Variants in STXBP5L observed in about 807,000 individuals in gnomAD.
STXBP5L encodes syntaxin-binding protein 5-like.
Under a neutral mutation model 144.5 loss-of-function variants are expected in STXBP5L, and 65 were observed. That is an observed-to-expected ratio of 0.45 (90% CI 0.37 to 0.55). STXBP5L has a LOEUF of 0.55. Ranked by LOEUF, STXBP5L falls within the 20% of genes least tolerant of loss-of-function variation. The pLI is 0.00. For missense variants in STXBP5L, 1,298 were observed against 1,405.5 expected, an observed-to-expected ratio of 0.92 and a Z score of 1.22; for synonymous variants, 505 against 469.6, an observed-to-expected ratio of 1.08 and a Z score of -0.97.
chr3:121,205,984 C>CAAAAA lies in STXBP5L; in HGVS notation c.941_942insAAAAA (p.Thr315LysfsTer11). The CAAAAA allele has an allele frequency of 6.6e-7, 1 of 1,507,668 alleles. No homozygotes were observed. The highest frequency in any genetic ancestry group is 8.8e-7 in the Non-Finnish European group (1 of 1,133,306). 93.4% of individuals were successfully genotyped at this position (1,507,668 alleles called of 1,614,324 possible). ...GTAAACCAATTCTTAAAGTAGAATACAAGACCTGCAAAAACAGGTATGCAT... is the reference window on the plus strand; with the variant it reads ...GTAAACCAATTCTTAAAGTAGAATACAAAAAAAGACCTGCAAAAACAGGTATGCAT... On this transcript the variant is annotated frameshift_variant, in exon 10 of 27. Coordinates refer to ENST00000471454, the MANE Select transcript of STXBP5L (RefSeq NM_001308330.2). LOFTEE classifies it high-confidence loss of function.
rs567402682 is a variant in STXBP5L, at chr3:121,416,601, G to A, written c.3226+633G>A. Among the ~76,000 whole-genome samples, 4 of 151,238 alleles carry A rather than the reference G, an allele frequency of 2.6e-5. No individual in the cohort carries two copies. The South Asian group carries it at 8.4e-4, about 32-fold the overall frequency. ...AGGCTCACTGAAACCTCTGCCTCCC[G>A]GGTTCAAGCGATTCTCCTGCCTCAG... On this transcript the variant is annotated intron_variant, in intron 25 of 26. Coordinates refer to ENST00000471454, the MANE Select transcript of STXBP5L (RefSeq NM_001308330.2).
At chr3:121,056,031 C>T (rs191079685) in intron 5 of STXBP5L, among the ~76,000 whole-genome samples, 4 of 152,180 alleles carry the variant, frequency 2.6e-5, no homozygotes, top group Non-Finnish European at 2.9e-5. Flanking sequence ...ACTTGAACTA[C>T]TGGGCTCAAG....
chr3:120,958,146 T>G (rs777945081), intron 3 of STXBP5L, among the ~76,000 whole-genome samples: 1 of 152,142 alleles, frequency 6.6e-6, no homozygotes, highest in Non-Finnish European at 1.5e-5. Flanking sequence ...GCAAATAAAC[T>G]AGAAAATCTA....
At chr3:120,959,818 G>A (rs963464242) in intron 3 of STXBP5L, among the ~76,000 whole-genome samples, 2 of 152,078 alleles carry the variant, frequency 1.3e-5, no homozygotes, top group African/African-American at 4.8e-5. Context: ...GAAAACCTAG[G>A]CAATACCATT....
intron 3 of STXBP5L, among the ~76,000 whole-genome samples, chr3:121,033,428 G>C (rs1227967767): frequency 9.0e-6 from 1 of 111,596 alleles, no homozygotes; most frequent in Non-Finnish European, 1.8e-5. Flanking sequence ...TGGTGGGGTC[G>C]GGGGAGGGGG....
rs895939371 is a variant in STXBP5L at position 121,115,165 on chromosome 3, A to G, written c.605+106A>G. On this transcript the variant is annotated intron_variant, in intron 6 of 26. Coordinates refer to ENST00000471454, the MANE Select transcript of STXBP5L (RefSeq NM_001308330.2). The stretch of plus-strand genomic sequence containing the variant: ...TTGATACGTCTATTACTAATTTATA[A>G]TGAATTTGAGTGAAAAGTTCAGTAA... 4.6e-5 allele frequency: 52 copies of G among 1,142,386 alleles called. No individual in the cohort carries two copies. The African/African-American group carries it at 7.8e-4, about 17-fold the overall frequency. The allele number at this position is 1,142,386 out of a possible 1,614,324, so 70.8% of individuals were successfully genotyped here. A position where few individuals can be genotyped will look rare whatever the true frequency, so the allele number is the denominator to read the frequency against.
At chr3:121,412,727 CA>C (rs35247157) in intron 23 of STXBP5L, among the ~76,000 whole-genome samples, 6,607 of 69,634 alleles carry the variant, frequency 0.095, 70 homozygotes, top group Non-Finnish European at 0.11. Context: ...TTTCTCCCTC[CA>C]AAAAAAAAAA....
At chr3:120,960,106 C>G (rs1391535925) in intron 3 of STXBP5L, among the ~76,000 whole-genome samples, 1 of 152,150 alleles carries the variant, frequency 6.6e-6, no homozygotes, top group African/African-American at 2.4e-5. Context: ...ATGATATGAA[C>G]AGACACTTCT....
At chr3:121,056,775 A>T (rs1265960297) in intron 5 of STXBP5L, among the ~76,000 whole-genome samples, 1 of 152,042 alleles carries the variant, frequency 6.6e-6, no homozygotes, top group Non-Finnish European at 1.5e-5. Flanking sequence ...GACGTTCATT[A>T]CATACATATA....
At chr3:121,405,375 T>C (rs1328348284) in intron 22 of STXBP5L, among the ~76,000 whole-genome samples, 1 of 152,138 alleles carries the variant, frequency 6.6e-6, no homozygotes, top group Non-Finnish European at 1.5e-5. Flanking sequence ...AGACATATTA[T>C]CTATCTCTAC....
At chr3:121,302,950 C>T (rs911144941) in intron 19 of STXBP5L, among the ~76,000 whole-genome samples, 5 of 152,122 alleles carry the variant, frequency 3.3e-5, no homozygotes, top group African/African-American at 1.2e-4. Context: ...CTAGGCAATA[C>T]CATTCAGGAT....
chr3:121,027,869 C>G (rs1946066615), intron 3 of STXBP5L, among the ~76,000 whole-genome samples: 1 of 152,060 alleles, frequency 6.6e-6, no homozygotes, highest in Admixed American at 6.6e-5. Context: ...GATAGTCACC[C>G]TATATTTTAT....
intron 11 of STXBP5L, among the ~76,000 whole-genome samples, chr3:121,231,047 C>G (rs1359581769): frequency 6.6e-6 from 1 of 152,188 alleles, no homozygotes; most frequent in African/African-American, 2.4e-5. Context: ...AAACTGGTAT[C>G]TGGTGGGCTG....
intron 19 of STXBP5L, among the ~76,000 whole-genome samples, chr3:121,316,902 C>G (rs1048075252): frequency 6.6e-6 from 1 of 152,168 alleles, no homozygotes; most frequent in Admixed American, 6.5e-5. Flanking sequence ...GCAGCCTCCT[C>G]CTCTTTATAA....
At chr3:121,247,682 A>G (rs933924134) in intron 14 of STXBP5L, among the ~76,000 whole-genome samples, 3 of 152,190 alleles carry the variant, frequency 2.0e-5, no homozygotes, top group Admixed American at 2.0e-4. Context: ...GTAATATTCC[A>G]TGGTATATAT....
At chr3:121,397,602 G>C (rs952525799) in intron 22 of STXBP5L, among the ~76,000 whole-genome samples, 1 of 151,910 alleles carries the variant, frequency 6.6e-6, no homozygotes, top group South Asian at 2.1e-4. Flanking sequence ...CACTTGAAGC[G>C]GTACTTTCAA....
intron 3 of STXBP5L, among the ~76,000 whole-genome samples, chr3:121,001,214 G>A (rs1218741613): frequency 2.0e-5 from 3 of 152,180 alleles, no homozygotes; most frequent in South Asian, 4.1e-4. Context: ...TGCTGGCAAG[G>A]CCCATGTGAA....
At chr3:121,406,601 A>G (rs2046998402) in intron 22 of STXBP5L, among the ~76,000 whole-genome samples, 1 of 152,072 alleles carries the variant, frequency 6.6e-6, no homozygotes, top group African/African-American at 2.4e-5. Context: ...AATCCAGGTG[A>G]GTAAAACCCC....
intron 2 of STXBP5L, chr3:120,925,083 G>A (rs1576426577): frequency 6.6e-6 from 1 of 152,270 alleles, no homozygotes; most frequent in East Asian, 1.9e-4. Context: ...GGAGAAATAA[G>A]AGGGTATATG....
Sources: gnomAD v4.1 joint callset for allele counts (sites outside exome capture counted in the v4.1 genomes callset) on GRCh38, gnomAD v4.1.1 for gene constraint, MANE v1.5 for transcripts, NCBI Gene and HGNC (gene_info 2026-07-23, HGNC 2026-07-21) for gene names.